Variants in CTNNA2 observed in about 807,000 individuals in gnomAD.
The protein encoded by CTNNA2 is catenin alpha 2.
In CTNNA2, 42 loss-of-function variants were observed where a neutral mutation model predicts 101.0. The ratio of observed to expected loss-of-function variants is 0.42; its 90% CI spans 0.32 to 0.54. CTNNA2 has a LOEUF of 0.54. CTNNA2 is among the 20% of genes least tolerant of loss of function. The pLI, the probability that CTNNA2 is intolerant of heterozygous loss-of-function variation, is 0.14. For missense variants in CTNNA2, 871 were observed against 1,223.1 expected, an observed-to-expected ratio of 0.71 and a Z score of 4.29; for synonymous variants, 450 against 456.4, an observed-to-expected ratio of 0.99 and a Z score of 0.18.
intron 9 of CTNNA2, among the ~76,000 whole-genome samples, chr2:80,487,717 G>A (rs2149511729): frequency 6.6e-6 from 1 of 152,296 alleles, no homozygotes; most frequent in South Asian, 2.1e-4. Context: ...TATAATTTAT[G>A]TAAACCTCTT....
chr2:79,461,881 T>C (rs1670883258), intron 4 of CTNNA2, among the ~76,000 whole-genome samples: 3 of 151,942 alleles, frequency 2.0e-5, no homozygotes, highest in Admixed American at 6.6e-5. Flanking sequence ...TTTGTGAAGA[T>C]CTAGCTTAAG....
intron 7 of CTNNA2, among the ~76,000 whole-genome samples, chr2:80,283,642 C>T (rs975069876): frequency 6.6e-6 from 1 of 152,072 alleles, no homozygotes; most frequent in Non-Finnish European, 1.5e-5. Context: ...GAAGATGTCT[C>T]ATGAGTTACA....
At chr2:80,089,262 T>C (rs1699634519) in intron 7 of CTNNA2, among the ~76,000 whole-genome samples, 1 of 152,012 alleles carries the variant, frequency 6.6e-6, no homozygotes, top group African/African-American at 2.4e-5. Flanking sequence ...GTGGGAAGGT[T>C]GTTGGAAAAT....
At chr2:79,945,816 C>G (rs899993162) in intron 7 of CTNNA2, among the ~76,000 whole-genome samples, 1 of 152,092 alleles carries the variant, frequency 6.6e-6, no homozygotes, top group Non-Finnish European at 1.5e-5. Flanking sequence ...TACGGGGCAC[C>G]AAGAATCCAA....
chr2:80,162,137 A>G (rs1558864540), intron 7 of CTNNA2, among the ~76,000 whole-genome samples: 1 of 152,174 alleles, frequency 6.6e-6, no homozygotes, highest in African/African-American at 2.4e-5. Context: ...ATACAAAAAG[A>G]TAACAAATAA....
chr2:79,606,948 G>A (rs1408407245), intron 1 of CTNNA2, among the ~76,000 whole-genome samples: 1 of 152,120 alleles, frequency 6.6e-6, no homozygotes, highest in Non-Finnish European at 1.5e-5. Flanking sequence ...TCATGTCAAC[G>A]ATTACATTGA....
chr2:80,438,310 C>A (rs1314797809), intron 9 of CTNNA2, among the ~76,000 whole-genome samples: 1 of 152,088 alleles, frequency 6.6e-6, no homozygotes, highest in Non-Finnish European at 1.5e-5. Context: ...TGTTTAAAGA[C>A]CCTATCTCCT....
At chr2:79,378,585 T>A (rs554956786) in intron 4 of CTNNA2, among the ~76,000 whole-genome samples, 1 of 152,134 alleles carries the variant, frequency 6.6e-6, no homozygotes, top group Non-Finnish European at 1.5e-5. Flanking sequence ...CGAGGAGATG[T>A]TACATGTCAC....
chr2:80,313,403 G>A (rs764670841), intron 7 of CTNNA2: 3 of 1,410,992 alleles, frequency 2.1e-6, no homozygotes, highest in Non-Finnish European at 2.8e-6. Flanking sequence ...ATAAAATGTG[G>A]TGCCTACCCT....
chr2:80,312,260 G>A (rs1315656214), intron 7 of CTNNA2, among the ~76,000 whole-genome samples: 2 of 152,244 alleles, frequency 1.3e-5, no homozygotes, highest in South Asian at 2.1e-4. Flanking sequence ...CCCTACTGCT[G>A]TGTGGTTCCC....
At chr2:80,215,395 A>G (rs972537487) in intron 7 of CTNNA2, among the ~76,000 whole-genome samples, 2 of 151,882 alleles carry the variant, frequency 1.3e-5, no homozygotes, top group Non-Finnish European at 2.9e-5. Flanking sequence ...TTGTGGTTTT[A>G]TTTACCTTTG....
At chr2:79,760,860 C>A (rs865952105) in intron 3 of CTNNA2, among the ~76,000 whole-genome samples, 13 of 152,148 alleles carry the variant, frequency 8.5e-5, no homozygotes, top group African/African-American at 3.1e-4. Context: ...AAACCCTTGT[C>A]CTACCAAATG....
At chr2:80,321,881 A>G (rs1678729062) in intron 7 of CTNNA2, among the ~76,000 whole-genome samples, 1 of 152,152 alleles carries the variant, frequency 6.6e-6, no homozygotes, top group African/African-American at 2.4e-5. Context: ...CATGGTAGGT[A>G]ATCTATACTC....
chr2:79,736,005 G>T (rs138647407), intron 2 of CTNNA2, among the ~76,000 whole-genome samples: 28 of 152,226 alleles, frequency 1.8e-4, no homozygotes, highest in African/African-American at 6.3e-4. Context: ...CTAAAATAAG[G>T]TGTGAAGTTG....
At chr2:80,060,390 C>G (rs1697500730) in intron 7 of CTNNA2, among the ~76,000 whole-genome samples, 1 of 152,158 alleles carries the variant, frequency 6.6e-6, no homozygotes, top group African/African-American at 2.4e-5. Flanking sequence ...CTCTAAGCCT[C>G]CCAGCCCAGA....
chr2:79,302,462 A>G (rs1409358607), intron 2 of CTNNA2, among the ~76,000 whole-genome samples: 3 of 152,210 alleles, frequency 2.0e-5, no homozygotes, highest in African/African-American at 7.2e-5. Context: ...GAGAGGCAGA[A>G]CAGAGTTCTG....
intron 1 of CTNNA2, among the ~76,000 whole-genome samples, chr2:79,600,847 G>A (rs1677507789): frequency 6.6e-6 from 1 of 151,946 alleles, no homozygotes; most frequent in Non-Finnish European, 1.5e-5. Flanking sequence ...GTGTTCCCAC[G>A]CAACAGGGAG....
intron 4 of CTNNA2, among the ~76,000 whole-genome samples, chr2:79,501,186 C>T (rs891203361): frequency 3.9e-5 from 6 of 152,270 alleles, no homozygotes; most frequent in African/African-American, 1.4e-4. Context: ...CCTTATTACC[C>T]ATGGAAAATG....
intron 9 of CTNNA2, among the ~76,000 whole-genome samples, chr2:80,431,059 C>T (rs948766146): frequency 3.9e-5 from 6 of 152,082 alleles, no homozygotes; most frequent in Non-Finnish European, 8.8e-5. Flanking sequence ...AAAAATTCTT[C>T]GATGTTAGAA....
Sources: allele counts gnomAD v4.1 joint callset (sites outside exome capture counted in the v4.1 genomes callset), GRCh38; gene constraint gnomAD v4.1.1; transcripts MANE v1.5; gene names NCBI Gene and HGNC (gene_info 2026-07-23, HGNC 2026-07-21).